Variants in ADAMTS6 observed in about 807,000 individuals in gnomAD.
ADAMTS6 encodes the protein ADAM metallopeptidase with thrombospondin type 1 motif 6.
ADAMTS6 carries 23 observed loss-of-function variants against 144.3 expected under a neutral mutation model. The ratio of observed to expected loss-of-function variants is 0.16; its 90% CI spans 0.11 to 0.23. The LOEUF is 0.23. ADAMTS6 is among the 10% of genes least tolerant of loss of function. The probability of loss-of-function intolerance (pLI) is 1.00; values close to 1 mark genes in which losing one functional copy is unlikely to be tolerated. For missense variants in ADAMTS6, 999 were observed against 1,379.6 expected (o/e 0.72, Z 4.37); for synonymous variants, 444 against 457.5 (o/e 0.97, Z 0.38).
chr5:65,175,130 T>G (rs774361395), intron 22 of ADAMTS6, among the ~76,000 whole-genome samples: 1 of 151,492 alleles, frequency 6.6e-6, no homozygotes, highest in Admixed American at 6.6e-5. Flanking sequence ...TCACCAGTGG[T>G]TGAGAGAACA....
At chr5:65,168,835 T>G (rs1457223971) in intron 24 of ADAMTS6, among the ~76,000 whole-genome samples, 4 of 147,170 alleles carry the variant, frequency 2.7e-5, no homozygotes, top group African/African-American at 4.9e-5. Context: ...TAGCCATATG[T>G]AGAAAGCTGA....
intron 9 of ADAMTS6, among the ~76,000 whole-genome samples, chr5:65,305,606 C>G (rs950261264): frequency 6.6e-6 from 1 of 151,962 alleles, no homozygotes; most frequent in African/African-American, 2.4e-5. Flanking sequence ...AAACCTCGGG[C>G]CCACCCCAAT....
chr5:65,291,859 A>G (rs1051424367), intron 10 of ADAMTS6, among the ~76,000 whole-genome samples: 5 of 152,178 alleles, frequency 3.3e-5, no homozygotes, highest in East Asian at 1.9e-4. Flanking sequence ...AAAAAAAATA[A>G]TTATGGTTAT....
intron 10 of ADAMTS6, among the ~76,000 whole-genome samples, chr5:65,295,285 A>G (rs1005346386): frequency 1.3e-5 from 2 of 152,110 alleles, no homozygotes; most frequent in Non-Finnish European, 2.9e-5. Flanking sequence ...CTTTGTGCCA[A>G]CCTAATATTT....
chr5:65,378,363 T>C (rs1343214526), intron 7 of ADAMTS6, among the ~76,000 whole-genome samples: 1 of 152,192 alleles, frequency 6.6e-6, no homozygotes, highest in East Asian at 1.9e-4. Flanking sequence ...CATCAATGCC[T>C]ATCAGTCTTT....
intron 15 of ADAMTS6, among the ~76,000 whole-genome samples, chr5:65,227,552 A>G (rs1413976334): frequency 6.6e-6 from 1 of 152,238 alleles, no homozygotes; most frequent in African/African-American, 2.4e-5. Flanking sequence ...AATAAAGGAA[A>G]TAAAGCAGAA....
rs147509641 is a variant in ADAMTS6, at chr5:65,206,838, TCACACA to T, written c.2575+7950_2575+7955del. On this transcript the variant is annotated intron_variant, in intron 20 of 24. Coordinates refer to ENST00000381055, the MANE Select transcript of ADAMTS6 (RefSeq NM_197941.4). ...TTTTTTTTCTCTCTCTCTCTCTCTC[TCACACA>T]CACACACACACACACACACACACAA... 4.1e-3 allele frequency among the ~76,000 whole-genome samples: 596 copies of T among 145,100 alleles called. 1 individual carries two copies. The highest frequency in any genetic ancestry group is 0.012 in the East Asian group (59 of 4,998).
At chr5:65,187,196 C>T (rs1043086319) in intron 22 of ADAMTS6, among the ~76,000 whole-genome samples, 30 of 152,296 alleles carry the variant, frequency 2.0e-4, no homozygotes, top group African/African-American at 7.2e-4. Flanking sequence ...CAGAAGGCTT[C>T]AGCCCTTCTT....
chr5:65,212,953 G>T (rs1375092603), intron 20 of ADAMTS6, among the ~76,000 whole-genome samples: 1 of 152,130 alleles, frequency 6.6e-6, no homozygotes, highest in Non-Finnish European at 1.5e-5. Flanking sequence ...AAGACTTTTT[G>T]TTGGAATATG....
At chr5:65,225,346 T>C (rs907447891) in intron 16 of ADAMTS6, among the ~76,000 whole-genome samples, 2 of 152,162 alleles carry the variant, frequency 1.3e-5, no homozygotes, top group African/African-American at 4.8e-5. Context: ...GCCAGAAGGA[T>C]AGAAACTTTT....
At chr5:65,194,263 T>A (rs950614705) in intron 21 of ADAMTS6, among the ~76,000 whole-genome samples, 1 of 152,218 alleles carries the variant, frequency 6.6e-6, no homozygotes, top group African/African-American at 2.4e-5. Flanking sequence ...TAGTAGAAAC[T>A]ACTTGAATTT....
intron 4 of ADAMTS6, among the ~76,000 whole-genome samples, chr5:65,458,288 G>A (rs577300504): frequency 6.6e-6 from 1 of 152,260 alleles, no homozygotes; most frequent in East Asian, 1.9e-4. Context: ...AAGAAAGTGT[G>A]CAGAATGGGA....
chr5:65,374,026 G>C (rs1580529740), intron 7 of ADAMTS6, among the ~76,000 whole-genome samples: 1 of 152,156 alleles, frequency 6.6e-6, no homozygotes, highest in South Asian at 2.1e-4. Flanking sequence ...TATCTCAATA[G>C]ATGCAGAAAA....
intron 7 of ADAMTS6, among the ~76,000 whole-genome samples, chr5:65,423,485 C>T (rs181670317): frequency 1.3e-3 from 202 of 152,162 alleles, no homozygotes; most frequent in Middle Eastern, 3.4e-3. Context: ...TAGATGGTAA[C>T]TTACTTAATA....
chr5:65,466,194 T>C (rs1433447350), intron 3 of ADAMTS6, among the ~76,000 whole-genome samples: 1 of 152,210 alleles, frequency 6.6e-6, no homozygotes, highest in East Asian at 1.9e-4. Flanking sequence ...TCATTGATTC[T>C]ATTTTGTGTC....
At chr5:65,408,087 A>AT (rs1376278623) in intron 7 of ADAMTS6, among the ~76,000 whole-genome samples, 17 of 152,158 alleles carry the variant, frequency 1.1e-4, no homozygotes, top group African/African-American at 4.1e-4. Context: ...GAAACTACAT[A>AT]AACTAATGGG....
At chr5:65,275,365 AAGAAAGAAAGAAAGAAAG>A (rs1213539594) in intron 11 of ADAMTS6, among the ~76,000 whole-genome samples, 2 of 80,314 alleles carry the variant, frequency 2.5e-5, no homozygotes, top group Admixed American at 1.2e-4. Context: ...GAAAGAAAGA[AAGAAAGAAAGAAAGAAAG>A]AAAGAAAGAA....
intron 7 of ADAMTS6, among the ~76,000 whole-genome samples, chr5:65,334,467 A>G (rs1330982785): frequency 1.3e-5 from 2 of 152,186 alleles, no homozygotes; most frequent in Non-Finnish European, 2.9e-5. Context: ...ACCTGTGGGA[A>G]TAGGTTTTGT....
At chr5:65,316,368 C>A (rs1744999055) in intron 9 of ADAMTS6, among the ~76,000 whole-genome samples, 1 of 151,944 alleles carries the variant, frequency 6.6e-6, no homozygotes, top group South Asian at 2.1e-4. Flanking sequence ...CTGCAGGATA[C>A]ACATTCTAAA....
Sources: allele counts gnomAD v4.1 joint callset (sites outside exome capture counted in the v4.1 genomes callset), GRCh38; gene constraint gnomAD v4.1.1; transcripts MANE v1.5; gene names NCBI Gene and HGNC (gene_info 2026-07-23, HGNC 2026-07-21).